Variants in UNC5D observed in about 807,000 individuals in gnomAD.
The protein encoded by UNC5D is netrin receptor UNC5D.
A neutral mutation model predicts 105.4 loss-of-function variants in UNC5D; 39 were observed. The observed-to-expected ratio is 0.37, with a 90% CI of 0.29 to 0.48. The LOEUF is 0.48. Ranked by LOEUF, UNC5D falls within the 20% of genes least tolerant of loss-of-function variation. The probability of loss-of-function intolerance (pLI) is 0.98; values close to 1 mark genes in which losing one functional copy is unlikely to be tolerated. For synonymous variants in UNC5D, 452 were observed against 450.4 expected, an observed-to-expected ratio of 1.00 and a Z score of -0.04; for missense variants, 991 against 1,202.4, an observed-to-expected ratio of 0.82 and a Z score of 2.60.
chr8:35,712,644 G>T (rs765030203), intron 8 of UNC5D, among the ~76,000 whole-genome samples: 16 of 152,180 alleles, frequency 1.1e-4, no homozygotes, highest in Non-Finnish European at 2.1e-4. Context: ...TTCAGAGTGA[G>T]ATCATGTTGA....
At chr8:35,421,775 A>G (rs1211430386) in intron 1 of UNC5D, among the ~76,000 whole-genome samples, 1 of 152,120 alleles carries the variant, frequency 6.6e-6, no homozygotes, top group Non-Finnish European at 1.5e-5. Context: ...AAATAATCCC[A>G]CCCTTCAGGT....
rs1813674885 is a variant in UNC5D at position 35,524,028 on chromosome 8, G to GT, written c.104-25263dup. 5.6e-4 allele frequency among the ~76,000 whole-genome samples: 4 copies of GT among 7,148 alleles called. No individual in the cohort carries two copies. In the South Asian group the frequency reaches 8.7e-3, roughly 16 times the overall value. The allele number at this position is 7,148 out of a possible 152,430, so 4.7% of individuals were successfully genotyped here. On this transcript the variant is annotated intron_variant, in intron 1 of 16. Coordinates refer to ENST00000404895, the MANE Select transcript of UNC5D (RefSeq NM_080872.4). The stretch of plus-strand genomic sequence containing the variant: ...AATTTAAGGGGAGTTGGGGTGGGGC[G>GT]TAAGAGCAAAAGGACAGCAGGAGAA...
chr8:35,478,216 G>C (rs1810248834), intron 1 of UNC5D, among the ~76,000 whole-genome samples: 1 of 151,992 alleles, frequency 6.6e-6, no homozygotes, highest in Non-Finnish European at 1.5e-5. Flanking sequence ...TTTTTATTTA[G>C]AGTATTCCAC....
At chr8:35,422,219 G>T (rs1172078287) in intron 1 of UNC5D, among the ~76,000 whole-genome samples, 2 of 152,174 alleles carry the variant, frequency 1.3e-5, no homozygotes, top group East Asian at 3.8e-4. Context: ...AAAGGCCAAA[G>T]TTGGACTGCT....
intron 16 of UNC5D, 74 bp from the exon 17 acceptor site, chr8:35,790,285 C>G: frequency 1.4e-6 from 2 of 1,469,590 alleles, no homozygotes; most frequent in Non-Finnish European, 1.9e-6. Flanking sequence ...TTTTAATTCT[C>G]TTATGGTGAT....
chr8:35,586,379 T>C (rs1242638306), intron 3 of UNC5D, among the ~76,000 whole-genome samples: 1 of 152,136 alleles, frequency 6.6e-6, no homozygotes, highest in East Asian at 1.9e-4. Flanking sequence ...ACTATCACAA[T>C]GAGGAAAAAA....
At position 35,524,649 on chromosome 8, in the gene UNC5D, A is replaced by AAAAAAAAG. The variant is rs1554550180; in HGVS notation, c.104-24637_104-24636insAGAAAAAA. Among the ~76,000 whole-genome samples, 4 of 147,258 alleles carry AAAAAAAAG rather than the reference A, an allele frequency of 2.7e-5. No individual in the cohort carries two copies. In the East Asian group the frequency reaches 7.8e-4, roughly 29 times the overall value. On this transcript the variant is annotated intron_variant, in intron 1 of 16. Coordinates refer to ENST00000404895, the MANE Select transcript of UNC5D (RefSeq NM_080872.4). ...CAAGCCATGCCCTGTGCAAAAAAAAAAAAAAAGAAAAAAGAAAAAAGAAAA... is the reference window on the plus strand; with the variant it reads ...CAAGCCATGCCCTGTGCAAAAAAAAAAAAAAAAGAAAAAAGAAAAAAGAAAAAAGAAAA...
Position 35,528,195 on chromosome 8 carries a change from G to A in UNC5D, c.104-21097G>A, listed in dbSNP as rs1352629097. 1.2e-4 allele frequency among the ~76,000 whole-genome samples: 17 copies of A among 139,220 alleles called. 1 individual carries two copies. Among genetic ancestry groups the A allele is most frequent in the East Asian group, 4.7e-4 (2 of 4,296 alleles). 91.3% of individuals were successfully genotyped at this position (139,220 alleles called of 152,430 possible). A position where few individuals can be genotyped will look rare whatever the true frequency, so the allele number is the denominator to read the frequency against. On this transcript the variant is annotated intron_variant, in intron 1 of 16. Coordinates refer to ENST00000404895, the MANE Select transcript of UNC5D (RefSeq NM_080872.4). The stretch of plus-strand genomic sequence containing the variant: ...ATATCTCCCAATGCTATCCCTCCCC[G>A]CTCCCCCCACCCCACCACAGTCCCC...
At chr8:35,275,630 C>A (rs1805722872) in intron 1 of UNC5D, among the ~76,000 whole-genome samples, 1 of 152,150 alleles carries the variant, frequency 6.6e-6, no homozygotes, top group Non-Finnish European at 1.5e-5. Flanking sequence ...GCATGGCTTG[C>A]CATCTGGCAT....
intron 1 of UNC5D, among the ~76,000 whole-genome samples, chr8:35,237,264 A>G (rs568369293): frequency 7.0e-6 from 1 of 143,098 alleles, no homozygotes; most frequent in East Asian, 2.1e-4. Context: ...CGGTGATTGT[A>G]CACCCTGGGT....
rs568639986 is a variant in UNC5D at position 35,595,539 on chromosome 8, C to T, written c.467-15C>T. On this transcript the variant is annotated splice_polypyrimidine_tract_variant and intron_variant, in intron 3 of 16. Coordinates refer to ENST00000404895, the MANE Select transcript of UNC5D (RefSeq NM_080872.4). ...ACTTGAAACAAAGTGTCACCTATCT[C>T]ATGCTTCTTTGCAGATTTACGGAAA... 5 of 1,612,394 alleles carry T rather than the reference C, an allele frequency of 3.1e-6. No homozygotes were observed. In the East Asian group the frequency reaches 8.9e-5, roughly 29 times the overall value.
intron 1 of UNC5D, among the ~76,000 whole-genome samples, chr8:35,456,976 T>G (rs1019754843): frequency 6.6e-6 from 1 of 152,226 alleles, no homozygotes; most frequent in Non-Finnish European, 1.5e-5. Context: ...CCTATGTTAC[T>G]TGTGGTGCAT....
At chr8:35,594,635 C>T (rs1421329901) in intron 3 of UNC5D, among the ~76,000 whole-genome samples, 1 of 152,114 alleles carries the variant, frequency 6.6e-6, no homozygotes, top group African/African-American at 2.4e-5. Context: ...CATGACACCT[C>T]GAGAGAAGTA....
At chr8:35,545,232 T>G (rs1815564316) in intron 1 of UNC5D, among the ~76,000 whole-genome samples, 1 of 152,210 alleles carries the variant, frequency 6.6e-6, no homozygotes, top group African/African-American at 2.4e-5. Context: ...GTAAATGACC[T>G]CCTCCCACCC....
chr8:35,267,829 A>AT (rs922403852), intron 1 of UNC5D, among the ~76,000 whole-genome samples: 16 of 151,276 alleles, frequency 1.1e-4, no homozygotes, highest in South Asian at 6.3e-4. Context: ...ATGAATACGT[A>AT]TTTTTTTTTC....
intron 4 of UNC5D, among the ~76,000 whole-genome samples, chr8:35,670,946 A>G (rs1018528582): frequency 6.6e-6 from 1 of 151,498 alleles, no homozygotes; most frequent in Non-Finnish European, 1.5e-5. Context: ...GATGATAAAA[A>G]CATAGTTAAC....
chr8:35,627,876 G>A (rs1271346401), intron 4 of UNC5D, among the ~76,000 whole-genome samples: 6 of 152,170 alleles, frequency 3.9e-5, no homozygotes, highest in Non-Finnish European at 2.9e-5. Flanking sequence ...GCATTGAGCT[G>A]TGGTTGTGCC....
chr8:35,669,124 C>A (rs897642683), intron 4 of UNC5D, among the ~76,000 whole-genome samples: 4 of 152,038 alleles, frequency 2.6e-5, no homozygotes, highest in African/African-American at 9.7e-5. Context: ...TAAATATGTT[C>A]AAAAAGTAGT....
At chr8:35,284,339 T>C (rs2128853949) in intron 1 of UNC5D, among the ~76,000 whole-genome samples, 1 of 152,338 alleles carries the variant, frequency 6.6e-6, no homozygotes, top group South Asian at 2.1e-4. Context: ...TGGTGACAGA[T>C]GTTATTTGCA....
Sources: allele counts gnomAD v4.1 joint callset (sites outside exome capture counted in the v4.1 genomes callset), GRCh38; gene constraint gnomAD v4.1.1; transcripts MANE v1.5; gene names NCBI Gene and HGNC (gene_info 2026-07-23, HGNC 2026-07-21).